The following DSCAM variants were observed in gnomAD, a reference collection of about 807,000 sequenced individuals.
DSCAM encodes cell adhesion molecule DSCAM.
A neutral mutation model predicts 217.7 loss-of-function variants in DSCAM; 47 were observed. The observed-to-expected ratio is 0.22, with a 90% CI of 0.17 to 0.28. The LOEUF (loss-of-function observed/expected upper bound fraction) is 0.28. Ranked by LOEUF, DSCAM falls within the 10% of genes least tolerant of loss-of-function variation. The pLI, the probability that DSCAM is intolerant of heterozygous loss-of-function variation, is 1.00. For missense variants in DSCAM, 2,080 were observed against 2,618.3 expected (o/e 0.79, Z 4.49); for synonymous variants, 1,056 against 1,015.3 (o/e 1.04, Z -0.76).
intron 3 of DSCAM, among the ~76,000 whole-genome samples, chr21:40,525,725 A>G (rs776686574): frequency 2.2e-4 from 33 of 152,234 alleles, no homozygotes; most frequent in Non-Finnish European, 4.7e-4. Context: ...CAAGGACTTT[A>G]AAATTAGACA....
intron 1 of DSCAM, among the ~76,000 whole-genome samples, chr21:40,831,022 G>A (rs535872523): frequency 6.6e-6 from 1 of 152,332 alleles, no homozygotes; most frequent in Admixed American, 6.5e-5. Flanking sequence ...GACCCAGATG[G>A]TGACTTCATT....
At chr21:40,453,292 C>CTA (rs1214304475) in intron 3 of DSCAM, among the ~76,000 whole-genome samples, 3 of 152,056 alleles carry the variant, frequency 2.0e-5, no homozygotes, top group South Asian at 2.1e-4. Flanking sequence ...ATGGAGAGAT[C>CTA]TACTGAAAAA....
At chr21:40,827,691 G>A (rs7281473) in intron 1 of DSCAM, among the ~76,000 whole-genome samples, 144,908 of 152,196 alleles carry the variant, frequency 0.95, 69,027 homozygotes, top group African/African-American at 0.97. Flanking sequence ...CTTGTCTACA[G>A]TGAGACAAGC....
chr21:40,429,197 CTT>C (rs2075505978), intron 3 of DSCAM, among the ~76,000 whole-genome samples: 1 of 151,524 alleles, frequency 6.6e-6, no homozygotes, highest in Admixed American at 6.6e-5. Context: ...TGCAAAATGT[CTT>C]TTGCAAAATA....
At chr21:40,671,857 C>T (rs1311930404) in intron 3 of DSCAM, among the ~76,000 whole-genome samples, 2 of 152,228 alleles carry the variant, frequency 1.3e-5, no homozygotes, top group South Asian at 4.2e-4. Flanking sequence ...CACAGTCAGA[C>T]AGAAGAGCAG....
At chr21:40,123,822 G>C (rs759113714) in intron 20 of DSCAM, among the ~76,000 whole-genome samples, 1 of 148,180 alleles carries the variant, frequency 6.7e-6, no homozygotes, top group African/African-American at 2.5e-5. Context: ...AGAAGGGAGG[G>C]AGGGAAGGCG....
chr21:40,637,188 A>T lies in DSCAM; in HGVS notation c.508+55622T>A, dbSNP rs868267559. On this transcript the variant is annotated intron_variant, in intron 3 of 32. Transcript: ENST00000400454. ...ATAAATATATATATAAATATATATA[A>T]ATATAAATATATATATAAATATATA... is the stretch of plus-strand genomic sequence containing the variant. 3.7e-3 allele frequency among the ~76,000 whole-genome samples: 67 copies of T among 18,084 alleles called. 3 individuals carry two copies. The highest frequency in any genetic ancestry group is 5.5e-3 in the Non-Finnish European group (61 of 11,140). The allele number at this position is 18,084 out of a possible 152,430, so 11.9% of individuals were successfully genotyped here.
At position 40,498,715 on chromosome 21, in the gene DSCAM, GTATATATATATGGGTGTGTGTA is replaced by G. The variant is rs1568855037; in HGVS notation, c.509-129492_509-129471del. On this transcript the variant is annotated intron_variant, in intron 3 of 32. Coordinates refer to ENST00000400454, the MANE Select transcript of DSCAM (RefSeq NM_001389.5). Reference sequence around the variant, plus strand: ...TATATATAGATATATATATATGGGTGTATATATATATGGGTGTGTGTATATATATATATATATATATGGGTGT... The same window carrying G: ...TATATATAGATATATATATATGGGTGTATATATATATATATATATGGGTGT... Among the ~76,000 whole-genome samples, 147 of 16,084 alleles carry G rather than the reference GTATATATATATGGGTGTGTGTA, an allele frequency of 9.1e-3. 9 individuals carry two copies. Among genetic ancestry groups the G allele is most frequent in the African/African-American group, 0.038 (146 of 3,844 alleles). 10.6% of individuals were successfully genotyped at this position (16,084 alleles called of 152,430 possible). A position where few individuals can be genotyped will look rare whatever the true frequency, so the allele number is the denominator to read the frequency against.
At chr21:40,563,855 T>TTTATATGTTTATATATAG (rs2076745722) in intron 3 of DSCAM, among the ~76,000 whole-genome samples, 1 of 150,498 alleles carries the variant, frequency 6.6e-6, no homozygotes, top group African/African-American at 2.4e-5. Flanking sequence ...TTTATATATG[T>TTTATATGTTTATATATAG]TTATATGTTT....
chr21:40,824,483 T>C (rs957923), intron 1 of DSCAM, among the ~76,000 whole-genome samples: 149,992 of 149,994 alleles, frequency 1, 74,995 homozygotes, highest in Non-Finnish European at 1. Context: ...AAACATGGTT[T>C]TCTGCAACCT....
At chr21:40,104,775 G>C (rs1020689702) in intron 20 of DSCAM, among the ~76,000 whole-genome samples, 6 of 152,160 alleles carry the variant, frequency 3.9e-5, no homozygotes, top group African/African-American at 9.7e-5. Context: ...TGTCGATAGT[G>C]GGGGAGGCTG....
At chr21:40,559,224 T>C (rs922572961) in intron 3 of DSCAM, among the ~76,000 whole-genome samples, 2 of 152,144 alleles carry the variant, frequency 1.3e-5, no homozygotes, top group Non-Finnish European at 2.9e-5. Flanking sequence ...TTTGGGAGGC[T>C]GAGGCGGGAG....
chr21:40,752,648 C>G (rs763041917), intron 1 of DSCAM, among the ~76,000 whole-genome samples: 5 of 152,192 alleles, frequency 3.3e-5, no homozygotes, highest in African/African-American at 4.8e-5. Context: ...GATTACATCA[C>G]TGTACTCCAG....
At chr21:40,746,946 C>A (rs986193786) in intron 1 of DSCAM, among the ~76,000 whole-genome samples, 2 of 151,788 alleles carry the variant, frequency 1.3e-5, no homozygotes, top group Admixed American at 1.3e-4. Flanking sequence ...GGAAATTAAG[C>A]AACACGCTCC....
In DSCAM at chr21:40,078,678, C is replaced by A; in HGVS notation, c.4711+9G>T. On this transcript the variant is annotated intron_variant, in intron 26 of 32. Coordinates refer to ENST00000400454, the MANE Select transcript of DSCAM (RefSeq NM_001389.5). ...ACAAGCAGGAGAGCCACAAAGCCAG[C>A]CAGCTTACTGCCATCGTAGTTCAGC... The A allele has an allele frequency of 6.2e-7, 1 of 1,608,044 alleles. No individual in the cohort carries two copies. The highest frequency in any genetic ancestry group is 1.1e-5 in the South Asian group (1 of 90,522).
At chr21:40,390,832 A>C (rs1225239871) in intron 3 of DSCAM, among the ~76,000 whole-genome samples, 2 of 152,250 alleles carry the variant, frequency 1.3e-5, no homozygotes, top group Admixed American at 1.3e-4. Flanking sequence ...TTATATCTTC[A>C]ATGACCCTAT....
chr21:40,616,009 T>C (rs970636265), intron 3 of DSCAM, among the ~76,000 whole-genome samples: 1 of 151,516 alleles, frequency 6.6e-6, no homozygotes, highest in Non-Finnish European at 1.5e-5. Context: ...CACACACACA[T>C]GCATACAAGA....
At chr21:40,073,089 C>T (rs2089318888) in intron 27 of DSCAM, among the ~76,000 whole-genome samples, 1 of 152,168 alleles carries the variant, frequency 6.6e-6, no homozygotes, top group African/African-American at 2.4e-5. Context: ...CCAAAGGCCT[C>T]ACTCAGTAAG....
At chr21:40,112,995 G>A (rs1042684376) in intron 20 of DSCAM, among the ~76,000 whole-genome samples, 2 of 152,172 alleles carry the variant, frequency 1.3e-5, no homozygotes, top group African/African-American at 2.4e-5. Flanking sequence ...GTACAAGGAG[G>A]AGCTGGTACC....
Sources: gnomAD v4.1 joint callset for allele counts (sites outside exome capture counted in the v4.1 genomes callset) on GRCh38, gnomAD v4.1.1 for gene constraint, MANE v1.5 for transcripts, NCBI Gene and HGNC (gene_info 2026-07-23, HGNC 2026-07-21) for gene names.